Variants in PPT2 observed in about 807,000 individuals in gnomAD.
PPT2 encodes the protein lysosomal thioesterase PPT2.
Under a neutral mutation model 37.3 loss-of-function variants are expected in PPT2, and 20 were observed. The ratio of observed to expected loss-of-function variants is 0.54; its 90% CI spans 0.38 to 0.78. The LOEUF is 0.78. Among genes scored for constraint, PPT2 ranks in the 30% least tolerant of loss-of-function variants. The probability of loss-of-function intolerance (pLI) is 0.00; values close to 1 mark genes in which losing one functional copy is unlikely to be tolerated. For missense variants in PPT2, 270 were observed against 389.8 expected (o/e 0.69, Z 2.59); for synonymous variants, 135 against 159.1 (o/e 0.85, Z 1.14).
chr6:32,162,582 A>G lies in PPT2; in HGVS notation c.725A>G (p.Tyr242Cys), dbSNP rs372154109. 18 of 1,611,026 alleles carry G rather than the reference A, an allele frequency of 1.1e-5. No homozygotes were observed. The highest frequency in any genetic ancestry group is 3.3e-5 in the Admixed American group (2 of 60,010). ...TCTCTTTGTAGCTTCTTTGGTTTCTATGATGCAAATGAGACCGTCCTGGAG... is the reference window on the plus strand; with the variant it reads ...TCTCTTTGTAGCTTCTTTGGTTTCTGTGATGCAAATGAGACCGTCCTGGAG... Reference protein sequence around the residue: ...TPWQSSFFGFYDANETVLEME... With the variant: ...TPWQSSFFGFCDANETVLEME... The change falls in exon 8 of 9, where the codon TAT (tyrosine) becomes TGT (cysteine). Residue 242 changes from tyrosine (Y) to cysteine (C), a missense_variant. By Grantham distance (194) the Tyr-to-Cys change is radical. Coordinates refer to ENST00000324816, the MANE Select transcript of PPT2 (RefSeq NM_005155.7). The surrounding 1 kb of genome is among the most constrained non-coding windows in gnomAD (Gnocchi z 5.5).
intron 7 of PPT2, among the ~76,000 whole-genome samples, chr6:32,160,235 C>CG (rs1249960830): frequency 6.6e-6 from 1 of 150,560 alleles, no homozygotes; most frequent in East Asian, 2.0e-4. Context: ...TTAGTAGAGA[C>CG]GGGGTTTCAC....
At chr6:32,157,771 CTA>C (rs766835534) in intron 6 of PPT2, 51 bp downstream of exon 6, 1 of 1,566,242 alleles carries the variant, frequency 6.4e-7, no homozygotes, top group Non-Finnish European at 8.8e-7. Context: ...CTTTGACTCC[CTA>C]TGTCTCCCTC....
At position 32,154,517 on chromosome 6, in the gene PPT2, G is replaced by A; in HGVS notation, c.-8-70G>A. 5.9e-6 allele frequency: 9 copies of A among 1,532,964 alleles called. No homozygotes were observed. Among genetic ancestry groups the A allele is most frequent in the Non-Finnish European group, 7.9e-6 (9 of 1,136,840 alleles). The allele number at this position is 1,532,964 out of a possible 1,614,324, so 95.0% of individuals were successfully genotyped here. On this transcript the variant is annotated intron_variant, in intron 1 of 8. Coordinates refer to ENST00000324816, the MANE Select transcript of PPT2 (RefSeq NM_005155.7). The surrounding 1 kb of genome is among the most constrained non-coding windows in gnomAD (Gnocchi z 7.3). ...GGGAGCGAGAGGAGGTGGCTTGATT[G>A]CCGGGCGTCTGTTCCGAGGGAGGAG...
At position 32,155,270 on chromosome 6, in the gene PPT2, G is replaced by T. The variant is rs1783684636; in HGVS notation, c.337+87G>T. 6.8e-7 allele frequency: 1 copy of T among 1,480,956 alleles called. No individual in the cohort carries two copies. The highest frequency in any genetic ancestry group is 1.4e-5 in the African/African-American group (1 of 71,798). The allele number at this position is 1,480,956 out of a possible 1,614,324, so 91.7% of individuals were successfully genotyped here. Reference sequence around the variant, plus strand: ...GACACTTCCTAGCGTCCCTTTTTCTGAACCACATTGCTCCAGGCACAACCC... The same window carrying T: ...GACACTTCCTAGCGTCCCTTTTTCTTAACCACATTGCTCCAGGCACAACCC... On this transcript the variant is annotated intron_variant, in intron 3 of 8. Transcript: ENST00000324816. The surrounding 1 kb of genome is among the most constrained non-coding windows in gnomAD (Gnocchi z 4.3).
At chr6:32,153,780 C>T (rs955356571), upstream of PPT2, 3 of 1,151,702 alleles carry the variant, frequency 2.6e-6, no homozygotes, top group African/African-American at 1.6e-5. The surrounding 1 kb of genome is among the most constrained non-coding windows in gnomAD (Gnocchi z 4.4). Context: ...CCCTGGTCCG[C>T]CCCCTGGCCG....
At chr6:32,158,190 T>G in intron 7 of PPT2, 1 of 437,960 alleles carries the variant, frequency 2.3e-6, no homozygotes, top group Non-Finnish European at 4.1e-6. Context: ...TTGAAATTCT[T>G]ATAGATTCAT....
In PPT2 at chr6:32,156,014, C is replaced by G; in HGVS notation, c.541+36C>G. ...ATGCTGAACTGGGGCTTCCATGGAT[C>G]AGGTCAGTTGCTTCCACCTCTGCTA... On this transcript the variant is annotated intron_variant, in intron 5 of 8. Transcript: ENST00000324816. This position sits in a 1 kb window ranked among gnomAD's most constrained non-coding sequence, Gnocchi z 4.9. 1 of 1,504,878 alleles carries G rather than the reference C, an allele frequency of 6.6e-7. No homozygotes were observed. Among genetic ancestry groups the G allele is most frequent in the Non-Finnish European group, 9.3e-7 (1 of 1,080,954 alleles). 93.2% of individuals were successfully genotyped at this position (1,504,878 alleles called of 1,614,324 possible).
In PPT2 at chr6:32,155,153, CA is replaced by C; in HGVS notation, c.309del (p.Val105CysfsTer45). On this transcript the variant is annotated frameshift_variant, in exon 3 of 9. Coordinates refer to ENST00000324816, the MANE Select transcript of PPT2 (RefSeq NM_005155.7). LOFTEE classifies it high-confidence loss of function. The surrounding 1 kb of genome is among the most constrained non-coding windows in gnomAD (Gnocchi z 4.3). ...GGTCCCCATCATGGCAAAGGCCCCT[CA>C]AGGGGTGCATCTCATCTGCTACTCG... ...AVVPIMAKAP[Q>X]GVHLICYSQG... 1 of 1,613,074 alleles carries C rather than the reference CA, an allele frequency of 6.2e-7. No individual in the cohort carries two copies. Among genetic ancestry groups the C allele is most frequent in the Non-Finnish European group, 8.5e-7 (1 of 1,179,984 alleles).
chr6:32,159,847 A>C (rs941275008), intron 7 of PPT2, among the ~76,000 whole-genome samples: 1 of 149,972 alleles, frequency 6.7e-6, no homozygotes, highest in Non-Finnish European at 1.5e-5. Context: ...TCACCTCCCA[A>C]GTGGCTGGGA....
rs1195955974 is a variant in PPT2 at position 32,155,304 on chromosome 6, G to A, written c.337+121G>A. ...TGCTCCAGGCACAACCCTGGTACCT[G>A]AGCCCTTCCTTTCTGACTTCCCTCA... On this transcript the variant is annotated intron_variant, in intron 3 of 8. Coordinates refer to ENST00000324816, the MANE Select transcript of PPT2 (RefSeq NM_005155.7). The surrounding 1 kb of genome is among the most constrained non-coding windows in gnomAD (Gnocchi z 4.3). The A allele has an allele frequency of 1.7e-6, 2 of 1,203,626 alleles. No individual in the cohort carries two copies. Among genetic ancestry groups the A allele is most frequent in the African/African-American group, 3.1e-5 (2 of 65,378 alleles). The allele number at this position is 1,203,626 out of a possible 1,614,324, so 74.6% of individuals were successfully genotyped here.
Position 32,155,734 on chromosome 6 carries a change from C to T in PPT2, c.384C>T (p.Asn128=), listed in dbSNP as rs1240137074. The T allele has an allele frequency of 5.6e-6, 9 of 1,613,898 alleles. No homozygotes were observed. The highest frequency in any genetic ancestry group is 5.5e-5 in the South Asian group (5 of 91,080). Reference sequence around the variant, plus strand: ...TGCTTTCTGTCATGGATGATCACAACGTGGATTCTTTCATCTCCCTCTCCT... The same window carrying T: ...TGCTTTCTGTCATGGATGATCACAATGTGGATTCTTTCATCTCCCTCTCCT... ...RALLSVMDDH[N]VDSFISLSSP... The change falls in exon 4 of 9, where the codon AAC becomes AAT. Residue 128 remains asparagine, a synonymous_variant. Transcript: ENST00000324816. The surrounding 1 kb of genome is among the most constrained non-coding windows in gnomAD (Gnocchi z 4.3).
chr6:32,163,183 G>T lies in PPT2; in HGVS notation c.*233G>T. ...CCTACCTCATGTCCTCTCATTTGGG[G>T]GATTGCTCCGTGCTGTCCCTTTCTC... On this transcript the variant is annotated 3_prime_UTR_variant, in exon 9 of 9. Coordinates refer to ENST00000324816, the MANE Select transcript of PPT2 (RefSeq NM_005155.7). The T allele has an allele frequency of 1.8e-6, 1 of 568,014 alleles. No homozygotes were observed. The highest frequency in any genetic ancestry group is 3.1e-6 in the Non-Finnish European group (1 of 324,278). The allele number at this position is 568,014 out of a possible 1,614,324, so 35.2% of individuals were successfully genotyped here. A position where few individuals can be genotyped will look rare whatever the true frequency, so the allele number is the denominator to read the frequency against.
At chr6:32,159,618 G>A (rs1316917349) in intron 7 of PPT2, among the ~76,000 whole-genome samples, 2 of 151,182 alleles carry the variant, frequency 1.3e-5, no homozygotes, top group African/African-American at 4.9e-5. Flanking sequence ...AGTAAGTGAT[G>A]AGTTTTATGT....
chr6:32,154,895 C>G lies in PPT2; in HGVS notation c.183+118C>G. Reference sequence around the variant, plus strand: ...TGCCCAGTTCCTCAGGGAGCTGGTGCTGGCGTGGGGGAGAGTTGGGGGACG... The same window carrying G: ...TGCCCAGTTCCTCAGGGAGCTGGTGGTGGCGTGGGGGAGAGTTGGGGGACG... On this transcript the variant is annotated intron_variant, in intron 2 of 8. Coordinates refer to ENST00000324816, the MANE Select transcript of PPT2 (RefSeq NM_005155.7). This position sits in a 1 kb window ranked among gnomAD's most constrained non-coding sequence, Gnocchi z 7.3. The G allele has an allele frequency of 6.6e-7, 1 of 1,526,196 alleles. No individual in the cohort carries two copies. Among genetic ancestry groups the G allele is most frequent in the Non-Finnish European group, 8.9e-7 (1 of 1,120,474 alleles). 94.5% of individuals were successfully genotyped at this position (1,526,196 alleles called of 1,614,324 possible).
intron 7 of PPT2, among the ~76,000 whole-genome samples, chr6:32,160,235 C>T (rs1318521774): frequency 6.6e-6 from 1 of 150,440 alleles, no homozygotes; most frequent in Non-Finnish European, 1.5e-5. Flanking sequence ...TTAGTAGAGA[C>T]GGGGTTTCAC....
In PPT2 at chr6:32,155,036, C is replaced by G; in HGVS notation, c.190C>G (p.Pro64Ala). The G allele has an allele frequency of 6.2e-7, 1 of 1,612,874 alleles. No individual in the cohort carries two copies. The highest frequency in any genetic ancestry group is 8.5e-7 in the Non-Finnish European group (1 of 1,180,000). The change falls in exon 3 of 9, where the codon CCC becomes GCC. Residue 64 changes from proline to alanine, a missense_variant. Pro to Ala is a conservative substitution (Grantham distance 27). Coordinates refer to ENST00000324816, the MANE Select transcript of PPT2 (RefSeq NM_005155.7). This position sits in a 1 kb window ranked among gnomAD's most constrained non-coding sequence, Gnocchi z 4.3. ...CATTGCCCCCTTCCCACAGACACAC[C>G]CCGGGACTGTGGTGACAGTGCTCGA... ...HLLEYINETHPGTVVTVLDLF... is the reference protein window; with the variant it reads ...HLLEYINETHAGTVVTVLDLF...
At position 32,162,674 on chromosome 6, in the gene PPT2, A is replaced by G; in HGVS notation, c.765+52A>G. On this transcript the variant is annotated intron_variant, in intron 8 of 8. Transcript: ENST00000324816. This position sits in a 1 kb window ranked among gnomAD's most constrained non-coding sequence, Gnocchi z 5.5. ...TCTAGCCGCTGTCCCACCTTATTCCAGAGCCCTCTCTGTGACTCCTGAGCT... is the reference window on the plus strand; with the variant it reads ...TCTAGCCGCTGTCCCACCTTATTCCGGAGCCCTCTCTGTGACTCCTGAGCT... 1 of 1,578,036 alleles carries G rather than the reference A, an allele frequency of 6.3e-7. No individual in the cohort carries two copies. The highest frequency in any genetic ancestry group is 8.7e-7 in the Non-Finnish European group (1 of 1,147,216).
Position 32,155,875 on chromosome 6 carries a change from G to A in PPT2, c.438G>A (p.Thr146=), listed in dbSNP as rs140915525. ...SSPQMGQYGD[T]DYLKWLFPTS... is the part of the protein sequence containing the mutation. Reference sequence around the variant, plus strand: ...GCATTGCCATTCGCTTGCCAGACACGGACTACTTGAAGTGGCTGTTCCCCA... The same window carrying A: ...GCATTGCCATTCGCTTGCCAGACACAGACTACTTGAAGTGGCTGTTCCCCA... Residue 146 remains threonine, a synonymous_variant, in exon 5 of 9, where the codon ACG becomes ACA. Coordinates refer to ENST00000324816, the MANE Select transcript of PPT2 (RefSeq NM_005155.7). The surrounding 1 kb of genome is among the most constrained non-coding windows in gnomAD (Gnocchi z 4.3). 519 of 1,613,766 alleles carry A rather than the reference G, an allele frequency of 3.2e-4. 3 individuals carry two copies. In the South Asian group the frequency reaches 5.1e-3, roughly 16 times the overall value.
At position 32,156,698 on chromosome 6, in the gene PPT2, T is replaced by A. The variant is rs1335114775; in HGVS notation, c.541+720T>A. 6.6e-6 allele frequency among the ~76,000 whole-genome samples: 1 copy of A among 152,202 alleles called. No individual in the cohort carries two copies. Among genetic ancestry groups the A allele is most frequent in the Non-Finnish European group, 1.5e-5 (1 of 68,034 alleles). On this transcript the variant is annotated intron_variant, in intron 5 of 8. Transcript: ENST00000324816. The surrounding 1 kb of genome is among the most constrained non-coding windows in gnomAD (Gnocchi z 4.9). ...TCTAGACCAGACCATGGGGCCAGAA[T>A]ACTTGGGTTTGAATCTTGACCCTAT...
Sources: gnomAD v4.1 joint callset for allele counts (sites outside exome capture counted in the v4.1 genomes callset) on GRCh38, gnomAD v4.1.1 for gene constraint, Gnocchi (gnomAD v3.1) non-coding constraint, MANE v1.5 for transcripts, NCBI Gene and HGNC (gene_info 2026-07-23, HGNC 2026-07-21) for gene names.